Variants in LRP2 observed in about 807,000 individuals in gnomAD.
LRP2 encodes the protein LDL receptor related protein 2, also known as low-density lipoprotein receptor-related protein 2.
In LRP2, 172 loss-of-function variants were observed where a neutral mutation model predicts 531.0. The observed-to-expected ratio is 0.32, with a 90% CI of 0.29 to 0.37. The LOEUF is 0.37. Among genes scored for constraint, LRP2 ranks in the 10% least tolerant of loss-of-function variants. LRP2 has a pLI of 1.00. For missense variants in LRP2, 5,167 were observed against 5,868.3 expected (o/e 0.88, Z 3.90); for synonymous variants, 1,992 against 2,027.6 (o/e 0.98, Z 0.47).
At chr2:169,268,136 G>A (rs1683283404) in intron 16 of LRP2, among the ~76,000 whole-genome samples, 1 of 152,088 alleles carries the variant, frequency 6.6e-6, no homozygotes, top group South Asian at 2.1e-4. Flanking sequence ...CCCAAAAAAT[G>A]TCCAGGACCA....
At chr2:169,262,858 A>G in intron 16 of LRP2, among the ~76,000 whole-genome samples, 1 of 152,220 alleles carries the variant, frequency 6.6e-6, no homozygotes, top group Non-Finnish European at 1.5e-5. Context: ...CTACAAGGCT[A>G]TAGTAAGCAA....
intron 33 of LRP2, among the ~76,000 whole-genome samples, chr2:169,224,548 G>T (rs1283444844): frequency 1.3e-5 from 2 of 152,148 alleles, no homozygotes; most frequent in African/African-American, 4.8e-5. Flanking sequence ...GCCATAGAAA[G>T]ATTTCCATCT....
chr2:169,156,337 A>G lies in LRP2; in HGVS notation c.12088T>C (p.Cys4030Arg). 6.2e-7 allele frequency: 1 copy of G among 1,613,626 alleles called. No homozygotes were observed. Among genetic ancestry groups the G allele is most frequent in the South Asian group, 1.1e-5 (1 of 91,072 alleles). ...GACGTGAAGCCATCAGCACAGACAC[A>G]CTCATAACTTCCTTTGGTATTTCTG... ...HCRNTKGSYE[C>R]VCADGFTSMS... Residue 4030 changes from cysteine to arginine, a missense_variant, in exon 65 of 79, where the codon TGT becomes CGT. Transcript: ENST00000649046.
rs536099780 is a variant in LRP2, at chr2:169,343,374, G to C, written c.79+18947C>G. ...GTATTTTTCCCCAGCAATTTCTATGGATAGAGAATTTGACAAGTGGTTTCT... is the reference window on the plus strand; with the variant it reads ...GTATTTTTCCCCAGCAATTTCTATGCATAGAGAATTTGACAAGTGGTTTCT... On this transcript the variant is annotated intron_variant, in intron 1 of 78. Transcript: ENST00000649046. 5.6e-4 allele frequency among the ~76,000 whole-genome samples: 86 copies of C among 152,262 alleles called. 1 individual carries two copies. In the South Asian group the frequency reaches 0.014, roughly 25 times the overall value.
At position 169,142,679 on chromosome 2, in the gene LRP2, T is replaced by A; in HGVS notation, c.13103A>T (p.Asp4368Val). The A allele has an allele frequency of 1.2e-6, 2 of 1,613,940 alleles. No homozygotes were observed. The highest frequency in any genetic ancestry group is 1.7e-6 in the Non-Finnish European group (2 of 1,179,854). Residue 4368 changes from aspartate to valine, a missense_variant, in exon 71 of 79, where the codon GAT (aspartate) becomes GTT (valine). Asp to Val is a radical substitution (Grantham distance 152). This residue lies in a region of LRP2 where 348 missense variants were observed against 369.3 expected (regional missense o/e 0.94). Coordinates refer to ENST00000649046, the MANE Select transcript of LRP2 (RefSeq NM_004525.3). ...TGCTTGGGCAGTGCTCCTACCTGCA[T>A]CACACTCAGTGGTGCTCCCCTCTAT... is the stretch of plus-strand genomic sequence containing the variant. ...SFIEGSTTEC[D>V]AAIELPINLP...
At chr2:169,181,358 C>G (rs538525502) in intron 52 of LRP2, 90 bp downstream of exon 52, 1 of 1,316,410 alleles carries the variant, frequency 7.6e-7, no homozygotes, top group Admixed American at 1.7e-5. Context: ...GCCAGTTAGA[C>G]AATAGAGGGG....
chr2:169,186,149 C>A, intron 49 of LRP2, 130 bp from the exon 50 acceptor site: 1 of 782,618 alleles, frequency 1.3e-6, no homozygotes. Context: ...ACAACAAAGA[C>A]TTCCAAAGAC....
At chr2:169,179,995 C>T (rs1687368923) in intron 52 of LRP2, among the ~76,000 whole-genome samples, 1 of 151,926 alleles carries the variant, frequency 6.6e-6, no homozygotes, top group South Asian at 2.1e-4. Context: ...TTTTATAATC[C>T]ATCTACGTAA....
At position 169,216,483 on chromosome 2, in the gene LRP2, C is replaced by A. The variant is rs1329847481; in HGVS notation, c.5649-53G>T. 7.0e-6 allele frequency: 11 copies of A among 1,569,502 alleles called. No individual in the cohort carries two copies. The African/African-American group carries it at 9.5e-5, about 14-fold the overall frequency. On this transcript the variant is annotated intron_variant, in intron 34 of 78. Coordinates refer to ENST00000649046, the MANE Select transcript of LRP2 (RefSeq NM_004525.3). ...AACAAAACAGAAGGTGGATTTGAGT[C>A]AGTGACATAAATGACAATGTGTATT...
At chr2:169,287,066 C>A (rs1293856333) in intron 9 of LRP2, among the ~76,000 whole-genome samples, 1 of 152,178 alleles carries the variant, frequency 6.6e-6, no homozygotes, top group African/African-American at 2.4e-5. Flanking sequence ...AGTGAGGCTG[C>A]CCCTTTGCGC....
chr2:169,324,805 G>A (rs966857313), intron 1 of LRP2, among the ~76,000 whole-genome samples: 2 of 152,146 alleles, frequency 1.3e-5, no homozygotes, highest in Non-Finnish European at 2.9e-5. Context: ...ACTGGATTGA[G>A]AGCATTCCTC....
intron 1 of LRP2, among the ~76,000 whole-genome samples, chr2:169,323,494 C>A (rs895534685): frequency 2.6e-5 from 4 of 152,108 alleles, no homozygotes; most frequent in African/African-American, 9.7e-5. Flanking sequence ...ATAACAATTG[C>A]AGGTGCCCCT....
At chr2:169,136,460 C>T (rs187871104) in intron 76 of LRP2, among the ~76,000 whole-genome samples, 1 of 152,248 alleles carries the variant, frequency 6.6e-6, no homozygotes, top group African/African-American at 2.4e-5. Flanking sequence ...ACCCAGATGG[C>T]CTGAAGTAAC....
intron 49 of LRP2, among the ~76,000 whole-genome samples, chr2:169,187,077 T>C (rs1687659963): frequency 6.6e-6 from 1 of 152,130 alleles, no homozygotes; most frequent in Non-Finnish European, 1.5e-5. Flanking sequence ...TTTTCTTTTT[T>C]TTTCTTCAAC....
At chr2:169,260,735 A>G (rs1185346431) in intron 16 of LRP2, among the ~76,000 whole-genome samples, 1 of 152,050 alleles carries the variant, frequency 6.6e-6, no homozygotes, top group African/African-American at 2.4e-5. Context: ...ATAATTATTT[A>G]TAGTTGCTAC....
chr2:169,206,486 A>C lies in LRP2; in HGVS notation c.7234T>G (p.Phe2412Val). ...HLDPENHSPP[F>V]QTINVERTVM... ...GTTCTTTCCACATTTATTGTTTGGA[A>C]AGGTGGGCTATGGTTTTCAGGGTCC... The change falls in exon 39 of 79, where the codon TTC becomes GTC. Residue 2412 changes from phenylalanine (F) to valine (V), a missense_variant. By Grantham distance (50) the Phe-to-Val change is conservative (BLOSUM62 -1). Around this residue, in one of 6 missense-constraint regions of LRP2, gnomAD observed 2,811 missense variants for 3,058.0 expected, o/e 0.92. Coordinates refer to ENST00000649046, the MANE Select transcript of LRP2 (RefSeq NM_004525.3). The C allele has an allele frequency of 6.2e-7, 1 of 1,614,190 alleles. No homozygotes were observed. The highest frequency in any genetic ancestry group is 1.3e-5 in the African/African-American group (1 of 75,056).
chr2:169,204,038 T>C lies in LRP2; in HGVS notation c.7949A>G (p.Gln2650Arg). The C allele has an allele frequency of 6.2e-7, 1 of 1,614,248 alleles. No individual in the cohort carries two copies. Among genetic ancestry groups the C allele is most frequent in the Non-Finnish European group, 8.5e-7 (1 of 1,180,034 alleles). Residue 2650 changes from glutamine to arginine, a missense_variant, in exon 42 of 79, where the codon CAG becomes CGG. This residue lies in a region of LRP2 where 1,129 missense variants were observed against 1,362.7 expected (regional missense o/e 0.83). Coordinates refer to ENST00000649046, the MANE Select transcript of LRP2 (RefSeq NM_004525.3). The stretch of plus-strand genomic sequence containing the variant: ...AAACTGTTCACAAGGATTGTTACAC[T>C]GTTGTTTCTGGTTCTTCACAACAGT... ...INTVVKNQKQ[Q>R]CNNPCEQFNG...
At position 169,209,659 on chromosome 2, in the gene LRP2, A is replaced by G; in HGVS notation, c.6281-18T>C. Reference sequence around the variant, plus strand: ...GTTTCGTCCTGGAAGTTAAGAAAAGATCATTAAAAAATGCTGTCACTGAAA... The same window carrying G: ...GTTTCGTCCTGGAAGTTAAGAAAAGGTCATTAAAAAATGCTGTCACTGAAA... On this transcript the variant is annotated intron_variant, in intron 37 of 78. Transcript: ENST00000649046. 6.2e-7 allele frequency: 1 copy of G among 1,612,512 alleles called. No individual in the cohort carries two copies. The highest frequency in any genetic ancestry group is 8.5e-7 in the Non-Finnish European group (1 of 1,178,918).
chr2:169,165,084 T>C (rs1197299265), intron 62 of LRP2, among the ~76,000 whole-genome samples: 1 of 152,202 alleles, frequency 6.6e-6, no homozygotes, highest in Non-Finnish European at 1.5e-5. Flanking sequence ...AAGTCCTCCC[T>C]GACAGTCTCC....
Sources: allele counts gnomAD v4.1 joint callset (sites outside exome capture counted in the v4.1 genomes callset), GRCh38; gene constraint gnomAD v4.1.1; regional missense constraint gnomAD v4.1.1; transcripts MANE v1.5; gene names NCBI Gene and HGNC (gene_info 2026-07-23, HGNC 2026-07-21).